PRKCSH: variants seen among roughly 807,000 people sequenced by gnomAD.
PRKCSH encodes PRKCSH beta subunit of glucosidase II.
Under a neutral mutation model 79.7 loss-of-function variants are expected in PRKCSH, and 42 were observed. The ratio of observed to expected loss-of-function variants is 0.53; its 90% CI spans 0.41 to 0.68. The LOEUF is 0.68. PRKCSH is among the 30% of genes least tolerant of loss of function. The pLI is 0.00. For synonymous variants in PRKCSH, 325 were observed against 288.2 expected (o/e 1.13, Z -1.29); for missense variants, 686 against 709.0 (o/e 0.97, Z 0.37).
chr19:11,436,446 T>C lies in PRKCSH; in HGVS notation c.137T>C (p.Ile46Thr). Residue 46 changes from isoleucine to threonine, a missense_variant, in exon 3 of 18, where the codon ATC becomes ACC. Around this residue, in one of 2 missense-constraint regions of PRKCSH, gnomAD observed 549 missense variants for 520.2 expected, o/e 1.06. Transcript: ENST00000677123. ...PFTCLDGSAT[I>T]PFDQVNDDYC... ...ACCTGCCTGGACGGTTCGGCCACCA[T>C]CCCATTTGATCAGGTCAACGATGAC... 6 of 1,614,146 alleles carry C rather than the reference T, an allele frequency of 3.7e-6. No homozygotes were observed. Among genetic ancestry groups the C allele is most frequent in the Non-Finnish European group, 5.1e-6 (6 of 1,180,018 alleles).
At chr19:11,443,469 AGGAAGTT>A (rs1257174875) in intron 7 of PRKCSH, among the ~76,000 whole-genome samples, 1 of 151,654 alleles carries the variant, frequency 6.6e-6, no homozygotes, top group Non-Finnish European at 1.5e-5. Context: ...TGCTTGAACC[AGGAAGTT>A]GGAGGTTTTC....
rs543594696 is a variant in PRKCSH, at chr19:11,446,879, T to G, written c.763-195T>G. ...CAGTGCCCCCAACCACTCCAGCCCC[T>G]GGTCTCCTCCTCCCCTCCCACGGGC... is the stretch of plus-strand genomic sequence containing the variant. On this transcript the variant is annotated intron_variant, in intron 9 of 17. Coordinates refer to ENST00000677123, the MANE Select transcript of PRKCSH (RefSeq NM_001289104.2). Among the ~76,000 whole-genome samples the G allele has an allele frequency of 1.4e-4, 21 of 152,148 alleles. 1 individual carries two copies. The East Asian group carries it at 3.9e-3, about 28-fold the overall frequency.
intron 3 of PRKCSH, among the ~76,000 whole-genome samples, chr19:11,436,978 C>G (rs180823184): frequency 9.8e-4 from 149 of 152,360 alleles, no homozygotes; most frequent in Non-Finnish European, 1.6e-3. Context: ...CTGCCTTGGC[C>G]TCCCAAAGTG....
intron 6 of PRKCSH, 150 bp from the exon 7 acceptor site, chr19:11,442,236 C>T: frequency 8.5e-7 from 1 of 1,178,446 alleles, no homozygotes; most frequent in Non-Finnish European, 1.2e-6. Context: ...CAGAGGGCTA[C>T]AGGGAACCCC....
intron 3 of PRKCSH, 90 bp from the exon 4 acceptor site, chr19:11,437,786 G>T (rs1969845838): frequency 3.7e-6 from 4 of 1,092,398 alleles, no homozygotes; most frequent in East Asian, 4.7e-5. Flanking sequence ...GCTGTGTGCA[G>T]TGTGGGTCAG....
chr19:11,447,834 T>C lies in PRKCSH; in HGVS notation c.1126+45T>C. ...AGGCTCCTCGGGTGGGCCCAGCGTT[T>C]CCTGCCGTGGTGGCACAGGTCGAGG... On this transcript the variant is annotated intron_variant, in intron 12 of 17. Coordinates refer to ENST00000677123, the MANE Select transcript of PRKCSH (RefSeq NM_001289104.2). This position sits in a 1 kb window ranked among gnomAD's most constrained non-coding sequence, Gnocchi z 5.6. 2.0e-6 allele frequency: 3 copies of C among 1,513,536 alleles called. No homozygotes were observed. Among genetic ancestry groups the C allele is most frequent in the Non-Finnish European group, 2.7e-6 (3 of 1,126,130 alleles). 93.8% of individuals were successfully genotyped at this position (1,513,536 alleles called of 1,614,324 possible).
Position 11,448,195 on chromosome 19 carries a change from ATC to A in PRKCSH, c.1127-23_1127-22del, listed in dbSNP as rs1305690124. The A allele has an allele frequency of 3.2e-6, 5 of 1,549,748 alleles. No individual in the cohort carries two copies. The highest frequency in any genetic ancestry group is 2.7e-5 in the African/African-American group (2 of 73,074). On this transcript the variant is annotated intron_variant, in intron 12 of 17. Transcript: ENST00000677123. This position sits in a 1 kb window ranked among gnomAD's most constrained non-coding sequence, Gnocchi z 4.4. ...CATCCTCCTGGATGGGGTTGAGGACATCTCTGACCTCCAACCCCTCTCCCAGC... is the reference window on the plus strand; with the variant it reads ...CATCCTCCTGGATGGGGTTGAGGACATCTGACCTCCAACCCCTCTCCCAGC...
In PRKCSH at chr19:11,442,387, A is replaced by T. The variant is rs766488806; in HGVS notation, c.470A>T (p.Lys157Ile). ...DWKKAREEKQ[K>I]KLIELQAGKK... ...GTCTCTTGCCTTCTGCCCACCCAGA[A>T]AAAGCTCATTGAGCTACAGGCTGGG... Residue 157 changes from lysine to isoleucine, a missense_variant and splice_region_variant, in exon 7 of 18, where the codon AAA becomes ATA. By Grantham distance (102) the Lys-to-Ile change is moderately radical (BLOSUM62 -3). Transcript: ENST00000677123. 1.9e-6 allele frequency: 3 copies of T among 1,598,930 alleles called. No individual in the cohort carries two copies. The highest frequency in any genetic ancestry group is 8.5e-7 in the Non-Finnish European group (1 of 1,172,526).
chr19:11,447,889 C>T lies in PRKCSH; in HGVS notation c.1126+100C>T. 7.5e-7 allele frequency: 1 copy of T among 1,337,294 alleles called. No individual in the cohort carries two copies. The highest frequency in any genetic ancestry group is 1.0e-6 in the Non-Finnish European group (1 of 987,726). The allele number at this position is 1,337,294 out of a possible 1,614,324, so 82.8% of individuals were successfully genotyped here. On this transcript the variant is annotated intron_variant, in intron 12 of 17. Transcript: ENST00000677123. This position sits in a 1 kb window ranked among gnomAD's most constrained non-coding sequence, Gnocchi z 5.6. ...ATCCTGAGCTTAGACCCTGCTCTGA[C>T]TCGGCCAGCACAAGCCCCAGTATCT...
intron 7 of PRKCSH, among the ~76,000 whole-genome samples, chr19:11,444,877 G>A (rs1473223201): frequency 6.6e-6 from 1 of 151,622 alleles, no homozygotes; most frequent in African/African-American, 2.4e-5. Context: ...ACATGCCTCT[G>A]CCAGGTCCTA....
At chr19:11,441,131 C>T in intron 5 of PRKCSH, 109 bp from the exon 6 acceptor site, 1 of 1,071,044 alleles carries the variant, frequency 9.3e-7, no homozygotes, top group Admixed American at 1.7e-5. Context: ...TCATCTTTCC[C>T]AGCATGGCTT....
Position 11,447,282 on chromosome 19 carries a change from C to G in PRKCSH, c.849+122C>G. On this transcript the variant is annotated intron_variant, in intron 10 of 17. Coordinates refer to ENST00000677123, the MANE Select transcript of PRKCSH (RefSeq NM_001289104.2). The surrounding 1 kb of genome is among the most constrained non-coding windows in gnomAD (Gnocchi z 5.6). ...CCTGGCCAGCTGGGTGGCCCCAGCACCCCCCACCGAGACCCCCCGACCCCA... is the reference window on the plus strand; with the variant it reads ...CCTGGCCAGCTGGGTGGCCCCAGCAGCCCCCACCGAGACCCCCCGACCCCA... 1 of 1,348,576 alleles carries G rather than the reference C, an allele frequency of 7.4e-7. No homozygotes were observed. The highest frequency in any genetic ancestry group is 1.4e-5 in the African/African-American group (1 of 69,166). The allele number at this position is 1,348,576 out of a possible 1,614,324, so 83.5% of individuals were successfully genotyped here. A position where few individuals can be genotyped will look rare whatever the true frequency, so the allele number is the denominator to read the frequency against.
rs763824938 is a variant in PRKCSH at position 11,447,568 on chromosome 19, G to A, written c.979G>A (p.Glu327Lys). 1 of 1,599,160 alleles carries A rather than the reference G, an allele frequency of 6.3e-7. No individual in the cohort carries two copies. Residue 327 changes from glutamate (E) to lysine (K), a missense_variant, in exon 11 of 18, where the codon GAA (glutamate) becomes AAA (lysine). Physicochemically the swap from Glu to Lys is moderately conservative, Grantham distance 56. Transcript: ENST00000677123. This position sits in a 1 kb window ranked among gnomAD's most constrained non-coding sequence, Gnocchi z 5.6. ...EEEEEEEEEA[E>K]EEEEEEDSEV... ...GGAGGAGGAGGAGGAAGAAGAGGCT[G>A]AAGAAGAGGAGGAGGAGGAGGATTC...
chr19:11,444,930 C>T (rs966933566), intron 7 of PRKCSH, among the ~76,000 whole-genome samples: 5 of 152,136 alleles, frequency 3.3e-5, no homozygotes, highest in Non-Finnish European at 7.4e-5. Flanking sequence ...CCAACCCCAC[C>T]TCCCACCTCT....
At chr19:11,446,868 A>C in intron 9 of PRKCSH, among the ~76,000 whole-genome samples, 5 of 148,508 alleles carry the variant, frequency 3.4e-5, no homozygotes, top group East Asian at 4.1e-4. Context: ...GCCCCCAACC[A>C]CTCCAGCCCC....
chr19:11,442,664 T>C lies in PRKCSH; in HGVS notation c.598+149T>C. The C allele has an allele frequency of 3.1e-6, 4 of 1,294,160 alleles. No individual in the cohort carries two copies. The Admixed American group carries it at 6.2e-5, about 20-fold the overall frequency. The allele number at this position is 1,294,160 out of a possible 1,614,324, so 80.2% of individuals were successfully genotyped here. ...TTGTGTGCTTTGAGGTTCGCTTGGA[T>C]TGTGGCATATGTCAGGAGCCTCCTT... is the stretch of plus-strand genomic sequence containing the variant. On this transcript the variant is annotated intron_variant, in intron 7 of 17. Coordinates refer to ENST00000677123, the MANE Select transcript of PRKCSH (RefSeq NM_001289104.2).
Position 11,441,257 on chromosome 19 carries a change from A to G in PRKCSH, c.368A>G (p.Glu123Gly). 6.2e-7 allele frequency: 1 copy of G among 1,614,014 alleles called. No individual in the cohort carries two copies. The highest frequency in any genetic ancestry group is 8.5e-7 in the Non-Finnish European group (1 of 1,179,948). The change falls in exon 6 of 18, where the codon GAG becomes GGG. Residue 123 changes from glutamate to glycine, a missense_variant. By Grantham distance (98) the Glu-to-Gly change is moderately conservative. This residue lies in a region of PRKCSH where 549 missense variants were observed against 520.2 expected (regional missense o/e 1.06). Coordinates refer to ENST00000677123, the MANE Select transcript of PRKCSH (RefSeq NM_001289104.2). ...ENTCKEKGRK[E>G]RESLQQMAEV... ...CACCGCAGAGAGAAGGGCCGTAAGG[A>G]GAGAGAGTCCCTGCAGCAGATGGCC...
chr19:11,449,305 A>G lies in PRKCSH; in HGVS notation c.1501A>G (p.Thr501Ala), dbSNP rs762293143. The change falls in exon 17 of 18, where the codon ACC becomes GCC. Residue 501 changes from threonine (T) to alanine (A), a missense_variant. Physicochemically the swap from Thr to Ala is moderately conservative, Grantham distance 58. Around this residue, in one of 2 missense-constraint regions of PRKCSH, gnomAD observed 137 missense variants for 188.8 expected, o/e 0.73. Transcript: ENST00000677123. The surrounding 1 kb of genome is among the most constrained non-coding windows in gnomAD (Gnocchi z 6.4). ...CGGGAAAGAGACCATGGTGACCAGCACCACAGAGCCCAGTCGCTGCGAGTA... is the reference window on the plus strand; with the variant it reads ...CGGGAAAGAGACCATGGTGACCAGCGCCACAGAGCCCAGTCGCTGCGAGTA... ...LCGKETMVTS[T>A]TEPSRCEYLM... is the part of the protein sequence containing the mutation. The G allele has an allele frequency of 1.4e-5, 23 of 1,613,664 alleles. No individual in the cohort carries two copies. The South Asian group carries it at 2.2e-4, about 15-fold the overall frequency.
intron 5 of PRKCSH, among the ~76,000 whole-genome samples, chr19:11,439,198 G>A (rs528894254): frequency 2.6e-5 from 4 of 152,214 alleles, no homozygotes; most frequent in Non-Finnish European, 4.4e-5. Context: ...TGGCCACGAT[G>A]ATTAGGTTTT....
Sources: gnomAD v4.1 joint callset for allele counts (sites outside exome capture counted in the v4.1 genomes callset) on GRCh38, gnomAD v4.1.1 for gene constraint, gnomAD v4.1.1 regional missense constraint, Gnocchi (gnomAD v3.1) non-coding constraint, MANE v1.5 for transcripts, NCBI Gene and HGNC (gene_info 2026-07-23, HGNC 2026-07-21) for gene names.